The following MYO16 variants were observed in gnomAD, a reference collection of about 807,000 sequenced individuals.
MYO16 encodes myosin XVI.
MYO16 carries 94 observed loss-of-function variants against 205.3 expected under a neutral mutation model. The ratio of observed to expected loss-of-function variants is 0.46; its 90% CI spans 0.39 to 0.54. The LOEUF (loss-of-function observed/expected upper bound fraction) is 0.54, where lower values mean the gene tolerates loss of function less well. Among genes scored for constraint, MYO16 ranks in the 20% least tolerant of loss-of-function variants. MYO16 has a pLI of 0.00. For synonymous variants in MYO16, 988 were observed against 954.0 expected, an observed-to-expected ratio of 1.04 and a Z score of -0.66; for missense variants, 2,315 against 2,387.5, an observed-to-expected ratio of 0.97 and a Z score of 0.63.
chr13:108,757,195 G>A (rs1306807391), intron 4 of MYO16, among the ~76,000 whole-genome samples: 4 of 152,140 alleles, frequency 2.6e-5, no homozygotes, highest in Non-Finnish European at 4.4e-5. Flanking sequence ...GTTCATAAAA[G>A]CATTTTAAGA....
chr13:108,516,460 T>C, the MYO16 span, among the ~76,000 whole-genome samples: 2 of 152,190 alleles, frequency 1.3e-5, no homozygotes, highest in Non-Finnish European at 2.9e-5. Flanking sequence ...CTGGGAGCTG[T>C]AGACCGGAGC....
intron 23 of MYO16, among the ~76,000 whole-genome samples, chr13:109,032,658 A>C (rs971714222): frequency 6.6e-6 from 1 of 152,236 alleles, no homozygotes; most frequent in African/African-American, 2.4e-5. Context: ...TAAATACAGT[A>C]GAGAGCTAGA....
chr13:108,569,204 G>T, the MYO16 span, among the ~76,000 whole-genome samples: 9 of 152,206 alleles, frequency 5.9e-5, no homozygotes, highest in African/African-American at 2.2e-4. Flanking sequence ...ACAAAAGTCA[G>T]CTGGAATTTT....
At chr13:108,793,141 C>A (rs534701673) in intron 5 of MYO16, among the ~76,000 whole-genome samples, 2 of 152,046 alleles carry the variant, frequency 1.3e-5, no homozygotes, top group African/African-American at 4.8e-5. Flanking sequence ...AAAAAATTAG[C>A]CGGGCGCAGT....
At chr13:108,961,790 G>C in intron 18 of MYO16, 134 bp downstream of exon 18, 1 of 674,226 alleles carries the variant, frequency 1.5e-6, no homozygotes, top group South Asian at 1.8e-5. Context: ...CAGTGAGGGG[G>C]GGAAATTGTC....
At chr13:109,081,399 AC>A (rs1888276552) in intron 27 of MYO16, among the ~76,000 whole-genome samples, 5 of 152,268 alleles carry the variant, frequency 3.3e-5, no homozygotes, top group Middle Eastern at 3.4e-3. Flanking sequence ...CCCACAAACT[AC>A]CTGATGTTAT....
intron 34 of MYO16, among the ~76,000 whole-genome samples, chr13:109,185,653 C>T (rs557766450): frequency 6.6e-6 from 1 of 152,060 alleles, no homozygotes; most frequent in African/African-American, 2.4e-5. Flanking sequence ...GAAACATCAC[C>T]TTTAATAAGT....
At chr13:109,053,054 G>C (rs557989532) in intron 25 of MYO16, among the ~76,000 whole-genome samples, 6 of 152,234 alleles carry the variant, frequency 3.9e-5, no homozygotes, top group African/African-American at 1.4e-4. Context: ...GTGAAGAGTT[G>C]TTTCAAACTG....
intron 4 of MYO16, among the ~76,000 whole-genome samples, chr13:108,745,602 G>T (rs973303070): frequency 3.9e-5 from 6 of 152,002 alleles, no homozygotes; most frequent in Non-Finnish European, 7.4e-5. Flanking sequence ...TAGACCTAAT[G>T]ACCTCAGTTA....
the MYO16 span, among the ~76,000 whole-genome samples, chr13:108,516,250 C>A: frequency 5.3e-5 from 8 of 151,664 alleles, no homozygotes; most frequent in East Asian, 2.0e-4. Flanking sequence ...CAGGCGCGTC[C>A]GTCACCCCTT....
intron 14 of MYO16, among the ~76,000 whole-genome samples, chr13:108,892,675 G>T (rs543363010): frequency 1.3e-3 from 192 of 152,252 alleles, no homozygotes; most frequent in Admixed American, 3.5e-3. Context: ...TTATAAAATA[G>T]CCTCAAGTTA....
chr13:108,689,583 A>G (rs1882812132), intron 2 of MYO16, among the ~76,000 whole-genome samples: 1 of 152,178 alleles, frequency 6.6e-6, no homozygotes, highest in Non-Finnish European at 1.5e-5. Context: ...AATTCAATTA[A>G]CTTTCATTGT....
intron 9 of MYO16, among the ~76,000 whole-genome samples, chr13:108,833,475 A>T (rs1876730825): frequency 6.6e-6 from 1 of 152,174 alleles, no homozygotes; most frequent in African/African-American, 2.4e-5. Context: ...TATTCAGTCA[A>T]TTATTTTAAG....
chr13:109,001,702 C>T (rs1347220576), intron 21 of MYO16, among the ~76,000 whole-genome samples: 1 of 152,054 alleles, frequency 6.6e-6, no homozygotes, highest in African/African-American at 2.4e-5. Flanking sequence ...TCTGGTGAGC[C>T]CCAAGGTAAT....
intron 32 of MYO16, among the ~76,000 whole-genome samples, chr13:109,146,079 A>T (rs1877315708): frequency 6.6e-6 from 1 of 152,278 alleles, no homozygotes; most frequent in South Asian, 2.1e-4. Flanking sequence ...GTAGGTGGCT[A>T]TTAAATAGTT....
chr13:108,790,722 A>G (rs1886592193), intron 5 of MYO16, among the ~76,000 whole-genome samples: 1 of 152,204 alleles, frequency 6.6e-6, no homozygotes, highest in African/African-American at 2.4e-5. Flanking sequence ...TCACATTTTA[A>G]TTGGCATCAT....
Position 109,055,333 on chromosome 13 carries a change from A to G in MYO16, c.3130-57A>G. On this transcript the variant is annotated intron_variant, in intron 26 of 34. Coordinates refer to ENST00000457511, the MANE Select transcript of MYO16 (RefSeq NM_001198950.3). The surrounding 1 kb of genome is among the most constrained non-coding windows in gnomAD (Gnocchi z 5.0). ...AGACTTTTTATTTAAAAACTGCTTT[A>G]TATTTTTAGCTAGTGTCTCCTTTGG... is the stretch of plus-strand genomic sequence containing the variant. 2.1e-6 allele frequency: 3 copies of G among 1,400,996 alleles called. No individual in the cohort carries two copies. Among genetic ancestry groups the G allele is most frequent in the South Asian group, 1.3e-5 (1 of 79,948 alleles). The allele number at this position is 1,400,996 out of a possible 1,614,324, so 86.8% of individuals were successfully genotyped here. A position where few individuals can be genotyped will look rare whatever the true frequency, so the allele number is the denominator to read the frequency against.
chr13:108,624,790 T>A (rs1281565454), upstream of MYO16, among the ~76,000 whole-genome samples: 1 of 141,534 alleles, frequency 7.1e-6, no homozygotes, highest in African/African-American at 2.8e-5. Flanking sequence ...CCTGAGTGTG[T>A]GTGTGTGTGT....
At chr13:109,147,573 C>T (rs1027383189) in intron 32 of MYO16, among the ~76,000 whole-genome samples, 1 of 152,156 alleles carries the variant, frequency 6.6e-6, no homozygotes, top group Non-Finnish European at 1.5e-5. Flanking sequence ...ATCCCCCAGG[C>T]TTCTTGCCTA....
Sources: allele counts gnomAD v4.1 joint callset (sites outside exome capture counted in the v4.1 genomes callset), GRCh38; gene constraint gnomAD v4.1.1; non-coding constraint Gnocchi (gnomAD v3.1); transcripts MANE v1.5; gene names NCBI Gene and HGNC (gene_info 2026-07-23, HGNC 2026-07-21).